Variants in COLGALT2 observed in about 807,000 individuals in gnomAD.
COLGALT2 encodes collagen beta(1-O)galactosyltransferase 2, also known as procollagen galactosyltransferase 2.
In COLGALT2, 49 loss-of-function variants were observed where a neutral mutation model predicts 73.4. The observed-to-expected ratio is 0.67, with a 90% CI of 0.53 to 0.85. COLGALT2 has a LOEUF of 0.85. COLGALT2 is among the 40% of genes least tolerant of loss of function. COLGALT2 has a pLI of 0.00. For missense variants in COLGALT2, 722 were observed against 790.2 expected (o/e 0.91, Z 1.03); for synonymous variants, 295 against 307.6 (o/e 0.96, Z 0.43).
In COLGALT2 at chr1:183,980,479, TAGA is replaced by T. The variant is rs375513774; in HGVS notation, c.264-1962_264-1960del. 2.3e-4 allele frequency among the ~76,000 whole-genome samples: 35 copies of T among 152,180 alleles called. 1 individual carries two copies. The East Asian group carries it at 6.7e-3, about 29-fold the overall frequency. On this transcript the variant is annotated intron_variant, in intron 1 of 11. Coordinates refer to ENST00000361927, the MANE Select transcript of COLGALT2 (RefSeq NM_015101.4). ...TGATAAATTTGAAAACTAAATATAA[TAGA>T]AGATTTTCCAGAAAAATGCATGTTA...
chr1:183,937,254 G>A lies in COLGALT2; in HGVS notation c.*1507C>T. On this transcript the variant is annotated 3_prime_UTR_variant, in exon 12 of 12. Transcript: ENST00000361927. ...TGCATGGTGCATGGACAGTGATGAG[G>A]AACGGTGCTGGTATGGGATGCCTGG... The A allele has an allele frequency of 1.7e-6, 2 of 1,180,754 alleles. No homozygotes were observed. The highest frequency in any genetic ancestry group is 2.1e-6 in the Non-Finnish European group (2 of 956,098). 73.1% of individuals were successfully genotyped at this position (1,180,754 alleles called of 1,614,324 possible).
At chr1:183,976,842 ATATT>A (rs1241749876) in intron 2 of COLGALT2, among the ~76,000 whole-genome samples, 1 of 152,240 alleles carries the variant, frequency 6.6e-6, no homozygotes, top group Non-Finnish European at 1.5e-5. Flanking sequence ...ACAAAGGTAG[ATATT>A]TATAACTGAG....
intron 1 of COLGALT2, among the ~76,000 whole-genome samples, chr1:183,983,954 C>T (rs1671420545): frequency 2.0e-5 from 3 of 152,190 alleles, no homozygotes; most frequent in Admixed American, 2.0e-4. Context: ...ACTGGAAAAC[C>T]ACAGATTGTG....
chr1:184,005,353 C>T (rs1260616196), intron 1 of COLGALT2, among the ~76,000 whole-genome samples: 1 of 152,218 alleles, frequency 6.6e-6, no homozygotes, highest in African/African-American at 2.4e-5. Flanking sequence ...AACTGGTTGT[C>T]TTAATCTCTC....
chr1:183,996,099 C>T (rs935848402), intron 1 of COLGALT2, among the ~76,000 whole-genome samples: 3 of 152,164 alleles, frequency 2.0e-5, no homozygotes, highest in South Asian at 4.1e-4. Flanking sequence ...CCTCCAATGC[C>T]TTGTACGCTG....
intron 1 of COLGALT2, among the ~76,000 whole-genome samples, chr1:183,996,377 G>C (rs1249250368): frequency 6.6e-6 from 1 of 152,220 alleles, no homozygotes; most frequent in Non-Finnish European, 1.5e-5. Flanking sequence ...CGATTTAAAG[G>C]TGTAGACAGT....
In COLGALT2 at chr1:183,936,634, G is replaced by A; in HGVS notation, c.*2127C>T. On this transcript the variant is annotated 3_prime_UTR_variant, in exon 12 of 12. Transcript: ENST00000361927. ...CCATTAAAAAAGTCATTAAAGTCAT[G>A]CACACATGCACACACTCAAATATGA... 4 of 1,211,310 alleles carry A rather than the reference G, an allele frequency of 3.3e-6. No individual in the cohort carries two copies. The highest frequency in any genetic ancestry group is 4.1e-6 in the Non-Finnish European group (4 of 975,808). The allele number at this position is 1,211,310 out of a possible 1,614,324, so 75.0% of individuals were successfully genotyped here. A position where few individuals can be genotyped will look rare whatever the true frequency, so the allele number is the denominator to read the frequency against.
At position 184,020,868 on chromosome 1, in the gene COLGALT2, T is replaced by A. The variant is rs932243977; in HGVS notation, c.263+16227A>T. Among the ~76,000 whole-genome samples the A allele has an allele frequency of 3.9e-5, 6 of 152,156 alleles. No individual in the cohort carries two copies. The East Asian group carries it at 5.8e-4, about 15-fold the overall frequency. On this transcript the variant is annotated intron_variant, in intron 1 of 11. Coordinates refer to ENST00000361927, the MANE Select transcript of COLGALT2 (RefSeq NM_015101.4). ...CTTGGAGTCTCTCATGAGGTTGTAC[T>A]TAGATGCAGTGCTGGCTGTTGGTTG... is the stretch of plus-strand genomic sequence containing the variant.
intron 4 of COLGALT2, among the ~76,000 whole-genome samples, chr1:183,970,394 A>G (rs1033829362): frequency 1.3e-5 from 2 of 152,192 alleles, no homozygotes; most frequent in African/African-American, 4.8e-5. Flanking sequence ...AGCACTCCGA[A>G]GGGCACCATA....
chr1:184,018,896 G>A (rs954164432), intron 1 of COLGALT2, among the ~76,000 whole-genome samples: 2 of 152,080 alleles, frequency 1.3e-5, no homozygotes, highest in East Asian at 1.9e-4. Context: ...GAGGGGAAGC[G>A]TTTTAAAAAT....
At chr1:183,943,519 G>A (rs1199168921) in intron 10 of COLGALT2, among the ~76,000 whole-genome samples, 2 of 151,866 alleles carry the variant, frequency 1.3e-5, no homozygotes, top group Non-Finnish European at 2.9e-5. Flanking sequence ...TGAAAGGGAA[G>A]GGAAGGAAAA....
chr1:184,000,446 C>T (rs1004957398), intron 1 of COLGALT2, among the ~76,000 whole-genome samples: 26 of 151,872 alleles, frequency 1.7e-4, no homozygotes, highest in African/African-American at 6.3e-4. Flanking sequence ...ATGTTACCCT[C>T]TCCAAATCAA....
chr1:184,030,759 A>G (rs1262601915), intron 1 of COLGALT2, among the ~76,000 whole-genome samples: 1 of 152,212 alleles, frequency 6.6e-6, no homozygotes, highest in African/African-American at 2.4e-5. Flanking sequence ...CAGATCTGAG[A>G]AAACCAAACT....
chr1:184,008,003 A>T (rs1456820694), intron 1 of COLGALT2, among the ~76,000 whole-genome samples: 3 of 152,358 alleles, frequency 2.0e-5, no homozygotes, highest in South Asian at 4.1e-4. Flanking sequence ...AAGAACTAAA[A>T]GTCTAATGGG....
intron 8 of COLGALT2, 63 bp downstream of exon 8, chr1:183,950,944 C>G: frequency 8.1e-7 from 1 of 1,241,050 alleles, no homozygotes; most frequent in Non-Finnish European, 1.2e-6. Flanking sequence ...GACTAACTCT[C>G]TGTCAGAGAA....
At chr1:184,018,862 G>C (rs1166976588) in intron 1 of COLGALT2, among the ~76,000 whole-genome samples, 1 of 152,130 alleles carries the variant, frequency 6.6e-6, no homozygotes, top group African/African-American at 2.4e-5. Flanking sequence ...GTAGCAAGCA[G>C]TAAAAATGCC....
downstream of COLGALT2, among the ~76,000 whole-genome samples, chr1:183,932,632 C>T (rs189398517): frequency 1.3e-3 from 194 of 152,264 alleles, 1 homozygote; most frequent in African/African-American, 4.5e-3. Flanking sequence ...GCAGCTTGTT[C>T]CACGGCTGGG....
chr1:183,979,209 A>T (rs1390676712), intron 1 of COLGALT2, among the ~76,000 whole-genome samples: 2 of 152,154 alleles, frequency 1.3e-5, no homozygotes, highest in Non-Finnish European at 2.9e-5. Flanking sequence ...AAAGGGCCTA[A>T]CTCATTTATT....
At chr1:184,022,968 A>C (rs1572683613) in intron 1 of COLGALT2, among the ~76,000 whole-genome samples, 1 of 152,222 alleles carries the variant, frequency 6.6e-6, no homozygotes. Context: ...TATCAGCTGA[A>C]TAGCCAAGAC....
Sources: gnomAD v4.1 joint callset for allele counts (sites outside exome capture counted in the v4.1 genomes callset) on GRCh38, gnomAD v4.1.1 for gene constraint, MANE v1.5 for transcripts, NCBI Gene and HGNC (gene_info 2026-07-23, HGNC 2026-07-21) for gene names.